MYO9A: variants seen among roughly 807,000 people sequenced by gnomAD.
MYO9A encodes myosin IXA, also known as unconventional myosin-IXa.
In MYO9A, 103 loss-of-function variants were observed where a neutral mutation model predicts 293.3. That is an observed-to-expected ratio of 0.35 (90% confidence interval 0.30 to 0.41). MYO9A has a LOEUF of 0.41. MYO9A is among the 10% of genes least tolerant of loss of function. MYO9A has a pLI of 1.00. For missense variants in MYO9A, 2,685 were observed against 3,033.0 expected, an observed-to-expected ratio of 0.89 and a Z score of 2.69; for synonymous variants, 1,001 against 1,035.7, an observed-to-expected ratio of 0.97 and a Z score of 0.64.
chr15:72,041,137 T>A (rs1462283759), intron 2 of MYO9A: 4 of 698,230 alleles, frequency 5.7e-6, no homozygotes, highest in Admixed American at 1.9e-5. Flanking sequence ...CCCACCTATT[T>A]GGGAGGCTGA....
chr15:71,965,761 A>G (rs1388325157), intron 13 of MYO9A, among the ~76,000 whole-genome samples: 1 of 152,150 alleles, frequency 6.6e-6, no homozygotes, highest in Admixed American at 6.5e-5. Context: ...CAAACAAACA[A>G]AAACCCCAAA....
At chr15:71,862,792 A>G (rs893222727) in intron 32 of MYO9A, among the ~76,000 whole-genome samples, 181 bp from the exon 33 acceptor site, 5 of 152,224 alleles carry the variant, frequency 3.3e-5, no homozygotes, top group African/African-American at 1.2e-4. Flanking sequence ...CCAAAAGCTA[A>G]CAATCTAGAT....
intron 8 of MYO9A, among the ~76,000 whole-genome samples, chr15:72,003,987 C>A (rs1545825): frequency 0.93 from 141,096 of 152,194 alleles, 65,733 homozygotes; most frequent in Non-Finnish European, 0.97. Flanking sequence ...GTTCTCTTTA[C>A]CTAGCACAAA....
chr15:72,042,125 GC>G (rs1440034130), intron 2 of MYO9A, among the ~76,000 whole-genome samples: 2 of 132,574 alleles, frequency 1.5e-5, no homozygotes, highest in Non-Finnish European at 3.2e-5. Flanking sequence ...AAGATTGAAT[GC>G]AAAAAAAAAA....
intron 15 of MYO9A, among the ~76,000 whole-genome samples, chr15:71,941,630 T>C (rs1269977478): frequency 6.6e-6 from 1 of 152,164 alleles, no homozygotes; most frequent in Admixed American, 6.5e-5. Context: ...GCCAAAAATT[T>C]TCTAAATTTG....
At chr15:72,097,110 G>A (rs1415575461) in intron 1 of MYO9A, among the ~76,000 whole-genome samples, 2 of 152,238 alleles carry the variant, frequency 1.3e-5, no homozygotes, top group African/African-American at 4.8e-5. Context: ...AGCAGCTGCA[G>A]GGTTTGAGAA....
At chr15:71,871,163 A>G (rs2056499683) in intron 32 of MYO9A, among the ~76,000 whole-genome samples, 1 of 152,190 alleles carries the variant, frequency 6.6e-6, no homozygotes, top group Admixed American at 6.5e-5. Context: ...TCATGAGCCC[A>G]GGAGTTTGAG....
At chr15:71,937,889 T>G (rs2058680456) in intron 16 of MYO9A, among the ~76,000 whole-genome samples, 1 of 152,164 alleles carries the variant, frequency 6.6e-6, no homozygotes, top group South Asian at 2.1e-4. Context: ...CAAGGTTAAC[T>G]ATCTAATTTG....
At chr15:71,907,632 C>A (rs2057705045) in intron 19 of MYO9A, among the ~76,000 whole-genome samples, 1 of 149,178 alleles carries the variant, frequency 6.7e-6, no homozygotes, top group South Asian at 2.2e-4. Context: ...TAATGACTGC[C>A]ATTCTAACTG....
chr15:71,936,769 C>T (rs897421191), intron 16 of MYO9A, among the ~76,000 whole-genome samples: 4 of 151,732 alleles, frequency 2.6e-5, no homozygotes, highest in East Asian at 1.9e-4. Flanking sequence ...CATTTAGAAA[C>T]GCTTGTATTT....
chr15:71,897,344 G>A (rs1038407772), intron 25 of MYO9A, 117 bp downstream of exon 25: 2 of 1,119,890 alleles, frequency 1.8e-6, no homozygotes, highest in East Asian at 2.4e-5. Context: ...TTTTTACAAA[G>A]AGAAAATGGC....
chr15:72,007,112 G>A (rs1193677310), intron 8 of MYO9A, among the ~76,000 whole-genome samples: 3 of 152,034 alleles, frequency 2.0e-5, no homozygotes, highest in African/African-American at 7.2e-5. Flanking sequence ...AGATACAGAT[G>A]ATTACATATT....
intron 14 of MYO9A, 48 bp from the exon 15 acceptor site, chr15:71,951,944 A>C: frequency 6.5e-7 from 1 of 1,546,274 alleles, no homozygotes; most frequent in Non-Finnish European, 8.6e-7. Context: ...GAAAAGAAAA[A>C]GACATTATAT....
At chr15:72,018,619 T>C (rs2077409501) in intron 6 of MYO9A, among the ~76,000 whole-genome samples, 1 of 152,112 alleles carries the variant, frequency 6.6e-6, no homozygotes, top group South Asian at 2.1e-4. Context: ...ATATAAAACA[T>C]AAAGAATGCA....
intron 1 of MYO9A, among the ~76,000 whole-genome samples, chr15:72,104,691 T>G (rs2080507031): frequency 6.6e-6 from 1 of 152,228 alleles, no homozygotes; most frequent in Admixed American, 6.5e-5. Flanking sequence ...ATTCTTTATA[T>G]CCCAACAGAC....
intron 12 of MYO9A, chr15:71,972,416 G>A (rs771603733): frequency 2.6e-5 from 4 of 152,220 alleles, no homozygotes; most frequent in Non-Finnish European, 5.9e-5. Flanking sequence ...TGAACTCAAG[G>A]AGAAGCTGGT....
At position 71,947,529 on chromosome 15, in the gene MYO9A, T is replaced by C. The variant is rs1365457024; in HGVS notation, c.2302+4248A>G. 7.2e-5 allele frequency among the ~76,000 whole-genome samples: 11 copies of C among 152,344 alleles called. No individual in the cohort carries two copies. The East Asian group carries it at 1.3e-3, about 19-fold the overall frequency. On this transcript the variant is annotated intron_variant, in intron 15 of 41. Transcript: ENST00000356056. ...AAACTTCCAAGTTACCCTTATGAAA[T>C]TTTTTCAACTCATTAGTTACATATA...
At chr15:72,096,283 A>G (rs2080061953) in intron 1 of MYO9A, among the ~76,000 whole-genome samples, 2 of 152,204 alleles carry the variant, frequency 1.3e-5, no homozygotes, top group South Asian at 2.1e-4. Context: ...GGCTGTAGTT[A>G]GTTGAGATCA....
chr15:72,109,715 C>T (rs1426382198), intron 1 of MYO9A, among the ~76,000 whole-genome samples: 2 of 151,812 alleles, frequency 1.3e-5, no homozygotes, highest in African/African-American at 4.8e-5. Context: ...ATGGTGAAAC[C>T]CTGTCTCTAT....
Sources: allele counts gnomAD v4.1 joint callset (sites outside exome capture counted in the v4.1 genomes callset), GRCh38; gene constraint gnomAD v4.1.1; transcripts MANE v1.5; gene names NCBI Gene and HGNC (gene_info 2026-07-23, HGNC 2026-07-21).